Variants in RGS5 observed in about 807,000 individuals in gnomAD.
RGS5 encodes regulator of G protein signaling 5.
Under a neutral mutation model 18.9 loss-of-function variants are expected in RGS5, and 20 were observed. That is an observed-to-expected ratio of 1.06 (90% confidence interval 0.74 to 1.54). The LOEUF (loss-of-function observed/expected upper bound fraction) is 1.54, where lower values mean the gene tolerates loss of function less well. Ranked by LOEUF, RGS5 falls within the 40% of genes most tolerant of loss-of-function variation. RGS5 has a pLI of 0.00. For synonymous variants in RGS5, 57 were observed against 76.2 expected (o/e 0.75, Z 1.31); for missense variants, 201 against 211.8 (o/e 0.95, Z 0.32).
At chr1:163,179,775 G>T (rs1390902601) in intron 1 of RGS5, among the ~76,000 whole-genome samples, 1 of 152,110 alleles carries the variant, frequency 6.6e-6, no homozygotes, top group Non-Finnish European at 1.5e-5. Context: ...GATTTCAAGA[G>T]GATCACATTC....
At chr1:163,210,097 C>T (rs1445083842) in intron 1 of RGS5, among the ~76,000 whole-genome samples, 2 of 151,864 alleles carry the variant, frequency 1.3e-5, no homozygotes, top group African/African-American at 2.4e-5. Flanking sequence ...TCAAGTCATC[C>T]TCTCACCTCA....
intron 3 of RGS5, among the ~76,000 whole-genome samples, chr1:163,154,523 T>C (rs1557880803): frequency 6.6e-6 from 1 of 151,698 alleles, no homozygotes; most frequent in African/African-American, 2.4e-5. Flanking sequence ...CTAGGAGCAA[T>C]GGTAGGTATA....
intron 2 of RGS5, among the ~76,000 whole-genome samples, chr1:163,238,338 G>A (rs561427581): frequency 3.3e-5 from 5 of 152,094 alleles, no homozygotes; most frequent in Admixed American, 6.5e-5. Flanking sequence ...ATCTGAACAG[G>A]ATAAATTAGA....
upstream of RGS5, among the ~76,000 whole-genome samples, chr1:163,218,902 A>C (rs1008006082): frequency 1.3e-5 from 2 of 152,204 alleles, 1 homozygote; most frequent in Admixed American, 1.3e-4. Flanking sequence ...GCTGGGGATC[A>C]AGAAGCAGAT....
At chr1:163,263,052 T>C (rs1341234968) in intron 2 of RGS5, among the ~76,000 whole-genome samples, 1 of 152,332 alleles carries the variant, frequency 6.6e-6, no homozygotes, top group East Asian at 1.9e-4. Context: ...CCACATCTTA[T>C]GAAATAAAGA....
rs565530712 is a variant in RGS5 at position 163,166,325 on chromosome 1, A to G, written c.155+1933T>C. ...TGAGAACTCAAAAATACATGTTAAAAAATAGAAAATACTTTTAAAAAAACG... is the reference window on the plus strand; with the variant it reads ...TGAGAACTCAAAAATACATGTTAAAGAATAGAAAATACTTTTAAAAAAACG... On this transcript the variant is annotated intron_variant, in intron 2 of 4. Coordinates refer to ENST00000313961, the MANE Select transcript of RGS5 (RefSeq NM_003617.4). 4.0e-4 allele frequency among the ~76,000 whole-genome samples: 61 copies of G among 152,034 alleles called. No individual in the cohort carries two copies. The Middle Eastern group carries it at 0.014, about 34-fold the overall frequency.
At chr1:163,214,377 G>A (rs530293014) in intron 1 of RGS5, among the ~76,000 whole-genome samples, 225 of 152,168 alleles carry the variant, frequency 1.5e-3, no homozygotes, top group Middle Eastern at 0.014. Context: ...TCCTCAAGGC[G>A]TTGCACCACA....
At chr1:163,317,555 C>CT (rs1650060358) in intron 1 of RGS5, among the ~76,000 whole-genome samples, 2 of 152,270 alleles carry the variant, frequency 1.3e-5, no homozygotes, top group South Asian at 4.1e-4. Context: ...TATTGCTGCC[C>CT]TTTGAGTTCT....
At chr1:163,207,349 C>T (rs1050050498), upstream of RGS5, among the ~76,000 whole-genome samples, 3 of 152,114 alleles carry the variant, frequency 2.0e-5, no homozygotes, top group African/African-American at 7.2e-5. Context: ...CCTATATATG[C>T]CCCCGGAGCA....
At chr1:163,216,808 A>G (rs1660227566) in intron 1 of RGS5, among the ~76,000 whole-genome samples, 1 of 152,166 alleles carries the variant, frequency 6.6e-6, no homozygotes, top group African/African-American at 2.4e-5. Flanking sequence ...AGGGTGGATA[A>G]AGTTACTTTA....
At chr1:163,230,908 GAC>G (rs1461044296) in intron 2 of RGS5, among the ~76,000 whole-genome samples, 3 of 152,146 alleles carry the variant, frequency 2.0e-5, no homozygotes, top group Non-Finnish European at 2.9e-5. Flanking sequence ...AATCCACAGA[GAC>G]ACATTACAAA....
chr1:163,276,205 GC>G (rs1648849852), intron 2 of RGS5, among the ~76,000 whole-genome samples: 1 of 152,030 alleles, frequency 6.6e-6, no homozygotes, highest in African/African-American at 2.4e-5. Context: ...TGTTGGTCAG[GC>G]TGGTCTCGAA....
chr1:163,294,825 C>T (rs1222728951), intron 2 of RGS5, among the ~76,000 whole-genome samples: 2 of 152,172 alleles, frequency 1.3e-5, no homozygotes. Context: ...AAACGGGTCA[C>T]CTCTTGAATG....
At chr1:163,158,388 G>A (rs187500428) in intron 3 of RGS5, among the ~76,000 whole-genome samples, 1 of 152,272 alleles carries the variant, frequency 6.6e-6, no homozygotes, top group Non-Finnish European at 1.5e-5. Context: ...GTGATGGTAA[G>A]AGTAGAGAAT....
At chr1:163,260,211 C>A (rs1648392609) in intron 2 of RGS5, 1 of 152,070 alleles carries the variant, frequency 6.6e-6, no homozygotes, top group African/African-American at 2.4e-5. Context: ...AAATTTAGGT[C>A]CCGAGTGATT....
At chr1:163,161,763 C>T (rs925822429) in intron 3 of RGS5, 152 bp downstream of exon 3, 1 of 584,244 alleles carries the variant, frequency 1.7e-6, no homozygotes, top group Admixed American at 2.6e-5. Context: ...TGGATAATCA[C>T]ATACCTGCAG....
chr1:163,223,280 G>A (rs1160155719), intron 2 of RGS5, among the ~76,000 whole-genome samples: 3 of 152,096 alleles, frequency 2.0e-5, no homozygotes, highest in African/African-American at 7.2e-5. Context: ...ATTGCCAACT[G>A]ACCACTTCTA....
intron 2 of RGS5, chr1:163,266,502 A>C (rs1333752733): frequency 1.3e-5 from 2 of 152,090 alleles, no homozygotes; most frequent in African/African-American, 4.8e-5. Context: ...TTTAGGTCAT[A>C]AAGGGCTTTT....
At chr1:163,196,110 G>A (rs114439041) in intron 1 of RGS5, among the ~76,000 whole-genome samples, 4 of 152,064 alleles carry the variant, frequency 2.6e-5, no homozygotes, top group Non-Finnish European at 4.4e-5. Flanking sequence ...TTCCTCGATC[G>A]TTAGAAACAA....
Sources: allele counts gnomAD v4.1 joint callset (sites outside exome capture counted in the v4.1 genomes callset), GRCh38; gene constraint gnomAD v4.1.1; transcripts MANE v1.5; gene names NCBI Gene and HGNC (gene_info 2026-07-23, HGNC 2026-07-21).